GNAO1: variants seen among roughly 807,000 people sequenced by gnomAD.
The protein encoded by GNAO1 is guanine nucleotide-binding protein G(o) subunit alpha.
For missense variants in GNAO1, 166 were observed against 478.7 expected, an observed-to-expected ratio of 0.35 and a Z score of 6.10; for synonymous variants, 164 against 180.7, an observed-to-expected ratio of 0.91 and a Z score of 0.74.
At chr16:56,319,930 G>A (rs2037554878) in intron 3 of GNAO1, among the ~76,000 whole-genome samples, 1 of 152,136 alleles carries the variant, frequency 6.6e-6, no homozygotes, top group African/African-American at 2.4e-5. Context: ...GGAGCCTTGA[G>A]CTTCCCCAAA....
chr16:56,243,870 G>A (rs1420448266), intron 2 of GNAO1, among the ~76,000 whole-genome samples: 2 of 152,138 alleles, frequency 1.3e-5, no homozygotes, highest in Admixed American at 6.5e-5. Flanking sequence ...AGCATTTTAC[G>A]TGCATTAACT....
At chr16:56,252,675 A>G (rs1357344144) in intron 2 of GNAO1, among the ~76,000 whole-genome samples, 1 of 152,200 alleles carries the variant, frequency 6.6e-6, no homozygotes, top group Non-Finnish European at 1.5e-5. Context: ...TCGCATAGTG[A>G]GGCTGACATA....
intron 3 of GNAO1, among the ~76,000 whole-genome samples, chr16:56,319,391 T>C (rs1343294629): frequency 6.6e-6 from 1 of 152,116 alleles, no homozygotes; most frequent in Non-Finnish European, 1.5e-5. Context: ...CAGGAGAAGC[T>C]GGTGCAGGGG....
At chr16:56,218,793 CT>C (rs2143355866) in intron 2 of GNAO1, among the ~76,000 whole-genome samples, 1 of 152,164 alleles carries the variant, frequency 6.6e-6, no homozygotes, top group Non-Finnish European at 1.5e-5. Context: ...CTTCACCCTG[CT>C]TTTTGCTTGG....
chr16:56,347,429 AG>A, intron 6 of GNAO1: 1 of 985,604 alleles, frequency 1.0e-6, no homozygotes, highest in Non-Finnish European at 1.2e-6. Context: ...GGTCTGTGGT[AG>A]GGCTCCCCAT....
At chr16:56,339,380 T>C (rs2143672034) in intron 6 of GNAO1, among the ~76,000 whole-genome samples, 1 of 152,360 alleles carries the variant, frequency 6.6e-6, no homozygotes, top group African/African-American at 2.4e-5. Flanking sequence ...GAATCATCAC[T>C]CAGTGAATAG....
chr16:56,308,004 A>G (rs2143599919), intron 3 of GNAO1: 1 of 152,362 alleles, frequency 6.6e-6, no homozygotes. Flanking sequence ...GCCCTCATCC[A>G]TGCAGGGAGG....
At chr16:56,208,025 G>T (rs563585823) in intron 2 of GNAO1, among the ~76,000 whole-genome samples, 1 of 152,104 alleles carries the variant, frequency 6.6e-6, no homozygotes, top group South Asian at 2.1e-4. Context: ...ATGGGTCCTT[G>T]CCTTTCTTTA....
At chr16:56,248,925 A>G (rs1276484088) in intron 2 of GNAO1, among the ~76,000 whole-genome samples, 1 of 152,120 alleles carries the variant, frequency 6.6e-6, no homozygotes, top group Non-Finnish European at 1.5e-5. Flanking sequence ...AACAGCCCAG[A>G]GACAGGAATA....
intron 2 of GNAO1, among the ~76,000 whole-genome samples, chr16:56,236,539 A>G (rs2036638543): frequency 6.6e-6 from 1 of 152,190 alleles, no homozygotes; most frequent in African/African-American, 2.4e-5. Flanking sequence ...CATATTGGCC[A>G]ACATCAGAGA....
At chr16:56,295,279 G>T (rs1277317616) in intron 3 of GNAO1, among the ~76,000 whole-genome samples, 1 of 152,090 alleles carries the variant, frequency 6.6e-6, no homozygotes, top group Non-Finnish European at 1.5e-5. Context: ...GACAGTCCTG[G>T]GTCCAAGTCC....
At chr16:56,347,264 C>A in intron 6 of GNAO1, 1 of 985,380 alleles carries the variant, frequency 1.0e-6, no homozygotes, top group South Asian at 4.7e-5. Flanking sequence ...CTCAGGAACC[C>A]AGACCTGAGG....
At chr16:56,231,229 ACCTCCCAGC>A (rs1475911364) in intron 2 of GNAO1, among the ~76,000 whole-genome samples, 1 of 151,748 alleles carries the variant, frequency 6.6e-6, no homozygotes, top group Non-Finnish European at 1.5e-5. Flanking sequence ...CTGGCAACTC[ACCTCCCAGC>A]CCTCTGAAAT....
chr16:56,205,889 G>C (rs541702867), intron 2 of GNAO1, among the ~76,000 whole-genome samples: 7 of 152,254 alleles, frequency 4.6e-5, no homozygotes, highest in Non-Finnish European at 1.0e-4. Context: ...GAGGACATGA[G>C]GGGTAAAAAA....
chr16:56,288,867 C>T (rs1228558669), intron 3 of GNAO1, among the ~76,000 whole-genome samples: 12 of 152,132 alleles, frequency 7.9e-5, no homozygotes, highest in Admixed American at 6.5e-4. Flanking sequence ...CCATCCCTTA[C>T]CCTACAGGGT....
At chr16:56,328,590 C>A (rs770471439) in intron 3 of GNAO1, 41 bp from the exon 4 acceptor site, 1 of 1,602,366 alleles carries the variant, frequency 6.2e-7, no homozygotes, top group South Asian at 1.1e-5. Context: ...TCTTCTGTCC[C>A]CACCAAAGCG....
intron 2 of GNAO1, among the ~76,000 whole-genome samples, chr16:56,218,934 A>C (rs1263900740): frequency 1.3e-5 from 2 of 151,950 alleles, no homozygotes; most frequent in Non-Finnish European, 2.9e-5. Flanking sequence ...TGCTCCTTCT[A>C]TTATCTTTTC....
intron 3 of GNAO1, among the ~76,000 whole-genome samples, chr16:56,309,417 G>A (rs1478477): frequency 0.42 from 63,119 of 151,986 alleles, 13,852 homozygotes; most frequent in South Asian, 0.53. Context: ...GAACGTGTGG[G>A]TGCCCCTTCC....
rs1280662650 is a variant in GNAO1 at position 56,356,929 on chromosome 16, T to G, written c.*855T>G. On this transcript the variant is annotated 3_prime_UTR_variant, in exon 9 of 9. Transcript: ENST00000262493. ...TGGATTTCCGGTCCCGGCTGACACCTCCCTTCGTGTGTGCGCCCCTCCCCA... is the reference window on the plus strand; with the variant it reads ...TGGATTTCCGGTCCCGGCTGACACCGCCCTTCGTGTGTGCGCCCCTCCCCA... 5 of 151,700 alleles carry G rather than the reference T, an allele frequency of 3.3e-5. No individual in the cohort carries two copies. The highest frequency in any genetic ancestry group is 7.4e-5 in the Non-Finnish European group (5 of 67,866). The allele number at this position is 151,700 out of a possible 1,614,324, so 9.4% of individuals were successfully genotyped here.
Sources: gnomAD v4.1 joint callset for allele counts (sites outside exome capture counted in the v4.1 genomes callset) on GRCh38, gnomAD v4.1.1 for gene constraint, MANE v1.5 for transcripts, NCBI Gene and HGNC (gene_info 2026-07-23, HGNC 2026-07-21) for gene names.